Variants in SLC16A12 observed in about 807,000 individuals in gnomAD.
The protein encoded by SLC16A12 is monocarboxylate transporter 12.
SLC16A12 carries 17 observed loss-of-function variants against 42.4 expected under a neutral mutation model. That is an observed-to-expected ratio of 0.40 (90% CI 0.27 to 0.60). The LOEUF is 0.60. Ranked by LOEUF, SLC16A12 falls within the 20% of genes least tolerant of loss-of-function variation. The pLI is 0.42. For missense variants in SLC16A12, 544 were observed against 623.0 expected (o/e 0.87, Z 1.35); for synonymous variants, 224 against 229.4 (o/e 0.98, Z 0.21).
At chr10:89,544,130 G>A (rs1843730678) in intron 2 of SLC16A12, among the ~76,000 whole-genome samples, 2 of 152,162 alleles carry the variant, frequency 1.3e-5, no homozygotes, top group South Asian at 4.1e-4. Flanking sequence ...ATGAACAAAG[G>A]AGCAGCCATG....
At chr10:89,516,857 G>A (rs1843260739) in intron 2 of SLC16A12, among the ~76,000 whole-genome samples, 1 of 152,172 alleles carries the variant, frequency 6.6e-6, no homozygotes, top group Admixed American at 6.5e-5. Context: ...GTAAGCAATT[G>A]ATTCTTGCTA....
intron 3 of SLC16A12, among the ~76,000 whole-genome samples, chr10:89,459,497 C>T (rs1321329664): frequency 7.9e-6 from 1 of 126,000 alleles, no homozygotes; most frequent in East Asian, 2.7e-4. Context: ...TTGGAAAGGG[C>T]ATAGCGGTTT....
At chr10:89,476,974 C>G (rs540942982) in intron 2 of SLC16A12, among the ~76,000 whole-genome samples, 46 of 152,308 alleles carry the variant, frequency 3.0e-4, no homozygotes, top group African/African-American at 1.1e-3. Context: ...ACTGCTTGAG[C>G]CACAGCAGGT....
At chr10:89,452,308 T>C (rs1053980550) in intron 3 of SLC16A12, among the ~76,000 whole-genome samples, 3 of 152,210 alleles carry the variant, frequency 2.0e-5, no homozygotes, top group African/African-American at 7.2e-5. Flanking sequence ...ATGAAATATG[T>C]ATGTATGTAT....
intron 2 of SLC16A12, among the ~76,000 whole-genome samples, chr10:89,532,112 A>G (rs540168928): frequency 6.6e-6 from 1 of 152,384 alleles, no homozygotes; most frequent in African/African-American, 2.4e-5. Context: ...AAATCTTTTA[A>G]TAAGAAGTAG....
At position 89,464,806 on chromosome 10, in the gene SLC16A12, C is replaced by T. The variant is rs145509936; in HGVS notation, c.-46-2182G>A. On this transcript the variant is annotated intron_variant, in intron 2 of 7. Transcript: ENST00000371790. ...GCCAAGGCAACAAGAATGATTCCCA[C>T]ATACATCACTTAGGTTTGCCCCTTT... 4.5e-4 allele frequency among the ~76,000 whole-genome samples: 69 copies of T among 152,272 alleles called. 1 individual carries two copies. Among genetic ancestry groups the T allele is most frequent in the African/African-American group, 1.6e-3 (67 of 41,550 alleles).
At chr10:89,459,831 T>C (rs215492) in intron 3 of SLC16A12, among the ~76,000 whole-genome samples, 84,534 of 151,898 alleles carry the variant, frequency 0.56, 24,313 homozygotes, top group African/African-American at 0.69. Context: ...ATCCCATCTA[T>C]TCAGGAGGCT....
intron 3 of SLC16A12, among the ~76,000 whole-genome samples, chr10:89,451,104 T>A (rs1014599691): frequency 6.6e-6 from 1 of 152,140 alleles, no homozygotes; most frequent in East Asian, 1.9e-4. Flanking sequence ...GTGATAACAG[T>A]AGGGAAGAAA....
intron 2 of SLC16A12, among the ~76,000 whole-genome samples, chr10:89,501,716 A>C (rs1378690037): frequency 6.6e-6 from 1 of 152,068 alleles, no homozygotes; most frequent in Non-Finnish European, 1.5e-5. Context: ...ACACCAGTAC[A>C]CTCCAGCCCG....
rs946964966 is a variant in SLC16A12, at chr10:89,430,711, C to T, written c.*2353G>A. On this transcript the variant is annotated 3_prime_UTR_variant, in exon 8 of 8. Transcript: ENST00000371790. Reference sequence around the variant, plus strand: ...AGGGAAAGTAAAATGCAAATCTATGCATGTATAAAGTCAAATCTCCCAAAT... The same window carrying T: ...AGGGAAAGTAAAATGCAAATCTATGTATGTATAAAGTCAAATCTCCCAAAT... The T allele has an allele frequency of 2.2e-6, 1 of 464,660 alleles. No homozygotes were observed. The highest frequency in any genetic ancestry group is 1.6e-5 in the South Asian group (1 of 62,702). The allele number at this position is 464,660 out of a possible 1,614,324, so 28.8% of individuals were successfully genotyped here.
In SLC16A12 at chr10:89,432,529, G is replaced by C. The variant is rs570438660; in HGVS notation, c.*535C>G. The C allele has an allele frequency of 6.6e-6, 1 of 152,614 alleles. No individual in the cohort carries two copies. Among genetic ancestry groups the C allele is most frequent in the African/African-American group, 2.4e-5 (1 of 41,504 alleles). 9.5% of individuals were successfully genotyped at this position (152,614 alleles called of 1,614,324 possible). ...ATCACCACTTTTTGAAGAATCTCAA[G>C]TATTCTTTAACAATCCCAAGTAAAA... On this transcript the variant is annotated 3_prime_UTR_variant, in exon 8 of 8. Coordinates refer to ENST00000371790, the MANE Select transcript of SLC16A12 (RefSeq NM_213606.4).
chr10:89,500,544 A>G (rs1440421724), intron 2 of SLC16A12, among the ~76,000 whole-genome samples: 1 of 152,178 alleles, frequency 6.6e-6, no homozygotes, highest in Non-Finnish European at 1.5e-5. Flanking sequence ...AAAAACAAAA[A>G]TCACATGGTC....
chr10:89,525,622 G>A (rs1247681779), intron 2 of SLC16A12, among the ~76,000 whole-genome samples: 1 of 152,134 alleles, frequency 6.6e-6, no homozygotes, highest in Non-Finnish European at 1.5e-5. Context: ...GTATTTATTT[G>A]TTCTTTATCT....
intron 3 of SLC16A12, 91 bp downstream of exon 3, chr10:89,462,288 A>C: frequency 6.4e-7 from 1 of 1,562,304 alleles, no homozygotes; most frequent in South Asian, 1.1e-5. Flanking sequence ...ACATATCTTC[A>C]CAATGATGGG....
rs987588112 is a variant in SLC16A12, at chr10:89,430,582, T to G, written c.*2482A>C. 4 of 455,560 alleles carry G rather than the reference T, an allele frequency of 8.8e-6. No homozygotes were observed. The highest frequency in any genetic ancestry group is 8.2e-5 in the African/African-American group (4 of 49,050). 28.2% of individuals were successfully genotyped at this position (455,560 alleles called of 1,614,324 possible). A position where few individuals can be genotyped will look rare whatever the true frequency, so the allele number is the denominator to read the frequency against. On this transcript the variant is annotated 3_prime_UTR_variant, in exon 8 of 8. Transcript: ENST00000371790. ...TTTCTCAGTTTTGAAATAAACAGTATAGACACATGGAACATTAACACTAAA... is the reference window on the plus strand; with the variant it reads ...TTTCTCAGTTTTGAAATAAACAGTAGAGACACATGGAACATTAACACTAAA...
In SLC16A12 at chr10:89,462,603, T is replaced by G. The variant is rs1219762576; in HGVS notation, c.-25A>C. The stretch of plus-strand genomic sequence containing the variant: ...TTCAAGGTTGGCATAGAACGCTACC[T>G]GGCCCATGGGTTACTCGCCATCTAA... On this transcript the variant is annotated 5_prime_UTR_variant, in exon 3 of 8. Transcript: ENST00000371790. 1 of 1,579,170 alleles carries G rather than the reference T, an allele frequency of 6.3e-7. No individual in the cohort carries two copies. The highest frequency in any genetic ancestry group is 2.3e-5 in the East Asian group (1 of 43,022).
intron 2 of SLC16A12, among the ~76,000 whole-genome samples, chr10:89,468,875 A>G (rs746603055): frequency 2.0e-5 from 3 of 152,172 alleles, no homozygotes; most frequent in Non-Finnish European, 4.4e-5. Flanking sequence ...CACACCTGTA[A>G]TCCCAGCACT....
intron 3 of SLC16A12, among the ~76,000 whole-genome samples, chr10:89,454,171 G>A (rs1842142832): frequency 6.6e-6 from 1 of 151,858 alleles, no homozygotes; most frequent in East Asian, 1.9e-4. Flanking sequence ...AACCACAGGA[G>A]TGCACCATCA....
rs559651910 is a variant in SLC16A12, at chr10:89,481,664, T to TGTGTGAGAGA, written c.-46-19041_-46-19040insTCTCTCACAC. Among the ~76,000 whole-genome samples, 234 of 139,578 alleles carry TGTGTGAGAGA rather than the reference T, an allele frequency of 1.7e-3. 3 individuals are homozygous for TGTGTGAGAGA. The East Asian group carries it at 0.046, about 27-fold the overall frequency. The allele number at this position is 139,578 out of a possible 152,430, so 91.6% of individuals were successfully genotyped here. On this transcript the variant is annotated intron_variant, in intron 2 of 7. Coordinates refer to ENST00000371790, the MANE Select transcript of SLC16A12 (RefSeq NM_213606.4). ...TTTCTTGTGTGTGTGTGTGTGTGTG[T>TGTGTGAGAGA]GAGAGAGAGAGAGAGTGTGTGTGTG...
Sources: gnomAD v4.1 joint callset for allele counts (sites outside exome capture counted in the v4.1 genomes callset) on GRCh38, gnomAD v4.1.1 for gene constraint, MANE v1.5 for transcripts, NCBI Gene and HGNC (gene_info 2026-07-23, HGNC 2026-07-21) for gene names.